GPR158: variants seen among roughly 807,000 people sequenced by gnomAD.
GPR158 encodes G protein-coupled receptor 158.
A neutral mutation model predicts 78.2 loss-of-function variants in GPR158; 30 were observed. The ratio of observed to expected loss-of-function variants is 0.38; its 90% CI spans 0.29 to 0.52. The LOEUF is 0.52. Ranked by LOEUF, GPR158 falls within the 20% of genes least tolerant of loss-of-function variation. GPR158 has a pLI of 0.83. For synonymous variants in GPR158, 581 were observed against 591.1 expected (o/e 0.98, Z 0.25); for missense variants, 1,463 against 1,523.5 (o/e 0.96, Z 0.66).
chr10:25,266,751 A>G (rs1028987651), intron 2 of GPR158, among the ~76,000 whole-genome samples: 1 of 152,182 alleles, frequency 6.6e-6, no homozygotes, highest in African/African-American at 2.4e-5. Flanking sequence ...ATAATATTCT[A>G]TAAAATGCTG....
intron 4 of GPR158, among the ~76,000 whole-genome samples, chr10:25,416,360 C>T (rs932025981): frequency 6.6e-6 from 1 of 152,134 alleles, no homozygotes; most frequent in Non-Finnish European, 1.5e-5. Context: ...CTTCAAAAAC[C>T]ATTTACTGTG....
At chr10:25,297,244 C>T (rs1854528443) in intron 2 of GPR158, among the ~76,000 whole-genome samples, 1 of 152,184 alleles carries the variant, frequency 6.6e-6, no homozygotes, top group African/African-American at 2.4e-5. Context: ...CTTTCTCAGT[C>T]TCTCTGAGCC....
At chr10:25,467,446 A>T (rs1371488187) in intron 5 of GPR158, among the ~76,000 whole-genome samples, 1 of 152,212 alleles carries the variant, frequency 6.6e-6, no homozygotes, top group Non-Finnish European at 1.5e-5. Context: ...GCCCCCACAA[A>T]GGACGACTTT....
intron 2 of GPR158, among the ~76,000 whole-genome samples, chr10:25,250,945 T>C (rs1456189141): frequency 6.6e-6 from 1 of 151,520 alleles, no homozygotes; most frequent in African/African-American, 2.4e-5. Flanking sequence ...TGTGTGGGCG[T>C]CTAAGTCTCT....
chr10:25,261,173 A>G (rs557359653), intron 2 of GPR158, among the ~76,000 whole-genome samples: 2 of 152,154 alleles, frequency 1.3e-5, no homozygotes, highest in Non-Finnish European at 2.9e-5. Context: ...AGTAATTTTT[A>G]AAGCTCCCCA....
At chr10:25,256,625 C>A (rs1425658703) in intron 2 of GPR158, among the ~76,000 whole-genome samples, 1 of 152,030 alleles carries the variant, frequency 6.6e-6, no homozygotes, top group African/African-American at 2.4e-5. Flanking sequence ...GTTGAGACTG[C>A]AGTGAGCCAT....
At chr10:25,538,225 T>A (rs940283486) in intron 5 of GPR158, among the ~76,000 whole-genome samples, 8 of 151,958 alleles carry the variant, frequency 5.3e-5, no homozygotes, top group Admixed American at 2.6e-4. Flanking sequence ...GTTGTTGTTG[T>A]TGTTGTTGTT....
intron 5 of GPR158, among the ~76,000 whole-genome samples, chr10:25,509,696 A>G (rs914184633): frequency 3.3e-5 from 5 of 152,126 alleles, no homozygotes; most frequent in African/African-American, 7.2e-5. Flanking sequence ...TGTAAGCTGT[A>G]TTGCCTTTTA....
intron 1 of GPR158, among the ~76,000 whole-genome samples, chr10:25,179,710 G>GA: frequency 1.3e-5 from 2 of 151,918 alleles, no homozygotes; most frequent in South Asian, 2.1e-4. Context: ...TTTTGTCTTT[G>GA]AAAAAATGGC....
At chr10:25,592,839 T>TTATATCCC (rs1350207950) in intron 8 of GPR158, among the ~76,000 whole-genome samples, 1 of 150,838 alleles carries the variant, frequency 6.6e-6, no homozygotes, top group Non-Finnish European at 1.5e-5. Context: ...TCCCAGAGTG[T>TTATATCCC]TATATCCCTT....
At chr10:25,231,021 T>G (rs1853440547) in intron 2 of GPR158, among the ~76,000 whole-genome samples, 1 of 152,226 alleles carries the variant, frequency 6.6e-6, no homozygotes, top group South Asian at 2.1e-4. Flanking sequence ...AAAAGATGTT[T>G]CCATCCGAAA....
At chr10:25,217,734 G>A (rs1170516733) in intron 1 of GPR158, among the ~76,000 whole-genome samples, 2 of 152,194 alleles carry the variant, frequency 1.3e-5, no homozygotes, top group Admixed American at 6.5e-5. Context: ...TAGGGAAATC[G>A]TGTTTGATGG....
At chr10:25,179,979 C>T (rs561984693) in intron 1 of GPR158, among the ~76,000 whole-genome samples, 163 of 152,268 alleles carry the variant, frequency 1.1e-3, no homozygotes, top group Non-Finnish European at 1.4e-3. Flanking sequence ...CCGTTGAATG[C>T]ATAGATAGCT....
At chr10:25,243,005 T>C (rs949487259) in intron 2 of GPR158, among the ~76,000 whole-genome samples, 3 of 152,232 alleles carry the variant, frequency 2.0e-5, no homozygotes, top group Non-Finnish European at 4.4e-5. Context: ...GTCCCAGGCA[T>C]AGTTCACAAA....
intron 2 of GPR158, among the ~76,000 whole-genome samples, chr10:25,319,318 C>T (rs1329963037): frequency 6.6e-6 from 1 of 152,186 alleles, no homozygotes; most frequent in Non-Finnish European, 1.5e-5. Context: ...TTGACATTTA[C>T]TGTGTACACA....
chr10:25,510,299 G>A (rs1259485458), intron 5 of GPR158, among the ~76,000 whole-genome samples: 1 of 152,096 alleles, frequency 6.6e-6, no homozygotes, highest in African/African-American at 2.4e-5. Context: ...TGATAAAATA[G>A]TTCAAAGAAA....
chr10:25,283,030 TG>T (rs1356555455), intron 2 of GPR158, among the ~76,000 whole-genome samples: 1 of 152,082 alleles, frequency 6.6e-6, no homozygotes, highest in Non-Finnish European at 1.5e-5. Context: ...ATAAAATGAC[TG>T]GGGAAGTGTT....
intron 2 of GPR158, 36 bp from the exon 3 acceptor site, chr10:25,395,875 A>G (rs749462111): frequency 1.5e-5 from 15 of 1,011,224 alleles, no homozygotes; most frequent in Non-Finnish European, 2.4e-5. Flanking sequence ...GAGATAAGCC[A>G]TGATCAACTA....
rs1002512490 is a variant in GPR158 at position 25,433,402 on chromosome 10, C to T, written c.1335+20929C>T. ...AGCAAACTGAATAAATTAAGTTCTTCCATAGCACCAGTTTAATGGTTTTAT... is the reference window on the plus strand; with the variant it reads ...AGCAAACTGAATAAATTAAGTTCTTTCATAGCACCAGTTTAATGGTTTTAT... On this transcript the variant is annotated intron_variant, in intron 4 of 10. Transcript: ENST00000376351. Among the ~76,000 whole-genome samples, 7 of 152,232 alleles carry T rather than the reference C, an allele frequency of 4.6e-5. No individual in the cohort carries two copies. The East Asian group carries it at 1.2e-3, about 25-fold the overall frequency.
Sources: allele counts gnomAD v4.1 joint callset (sites outside exome capture counted in the v4.1 genomes callset), GRCh38; gene constraint gnomAD v4.1.1; transcripts MANE v1.5; gene names NCBI Gene and HGNC (gene_info 2026-07-23, HGNC 2026-07-21).